DPP10: variants seen among roughly 807,000 people sequenced by gnomAD.
DPP10 encodes dipeptidyl peptidase like 10.
A neutral mutation model predicts 120.9 loss-of-function variants in DPP10; 33 were observed. The observed-to-expected ratio is 0.27, with a 90% CI of 0.21 to 0.37. DPP10 has a LOEUF of 0.37. Among genes scored for constraint, DPP10 ranks in the 10% least tolerant of loss-of-function variants. DPP10 has a pLI of 1.00. For synonymous variants in DPP10, 337 were observed against 326.1 expected, an observed-to-expected ratio of 1.03 and a Z score of -0.36; for missense variants, 816 against 942.8, an observed-to-expected ratio of 0.87 and a Z score of 1.76.
intron 2 of DPP10, among the ~76,000 whole-genome samples, chr2:115,335,297 C>T (rs2063055459): frequency 6.6e-6 from 1 of 151,820 alleles, no homozygotes; most frequent in South Asian, 2.1e-4. Context: ...GGGACATAGC[C>T]AAACCATATT....
intron 1 of DPP10, among the ~76,000 whole-genome samples, chr2:114,802,497 C>T (rs1684338424): frequency 7.8e-6 from 1 of 128,408 alleles, no homozygotes; most frequent in African/African-American, 3.0e-5. Flanking sequence ...TCCCTGCTCT[C>T]TTTATGATCT....
intron 1 of DPP10, among the ~76,000 whole-genome samples, chr2:115,039,842 A>G (rs1440248607): frequency 6.6e-6 from 1 of 152,086 alleles, no homozygotes; most frequent in Non-Finnish European, 1.5e-5. Context: ...TCAGCCTCCC[A>G]AAGTGCTGGG....
intron 1 of DPP10, among the ~76,000 whole-genome samples, chr2:114,750,490 C>T (rs1463387166): frequency 3.9e-5 from 6 of 152,080 alleles, no homozygotes; most frequent in Admixed American, 1.3e-4. Flanking sequence ...CCTGCCACCA[C>T]GCCCAGCTAA....
intron 1 of DPP10, among the ~76,000 whole-genome samples, chr2:115,231,838 T>C (rs1430398323): frequency 6.6e-6 from 1 of 152,178 alleles, no homozygotes; most frequent in African/African-American, 2.4e-5. Flanking sequence ...CCTTATCTCT[T>C]GTCAGGCCAG....
Position 115,435,059 on chromosome 2 carries a change from T to TAC in DPP10, c.272-64450_272-64449insCA, listed in dbSNP as rs1163164407. Among the ~76,000 whole-genome samples the TAC allele has an allele frequency of 2.0e-5, 3 of 147,548 alleles. No individual in the cohort carries two copies. The East Asian group carries it at 5.8e-4, about 29-fold the overall frequency. On this transcript the variant is annotated intron_variant, in intron 3 of 25. Transcript: ENST00000410059. ...TTCTATACACATGCACACATATATATATATATATATATATGTATCACATTT... is the reference window on the plus strand; with the variant it reads ...TTCTATACACATGCACACATATATATACATATATATATATATGTATCACATTT...
chr2:115,246,885 C>T lies in DPP10; in HGVS notation c.61-62354C>T, dbSNP rs112407670. On this transcript the variant is annotated intron_variant, in intron 1 of 25. Transcript: ENST00000410059. ...TGACGTGGCTTCGAAGTCCTTCCTC[C>T]GAACCAGATAGGTTCTGCTCAGTGA... is the stretch of plus-strand genomic sequence containing the variant. 5.1e-4 allele frequency among the ~76,000 whole-genome samples: 77 copies of T among 152,180 alleles called. 1 individual carries two copies. In the South Asian group the frequency reaches 6.8e-3, roughly 14 times the overall value.
rs1210172616 is a variant in DPP10 at position 114,498,901 on chromosome 2, G to C, written c.60+56063G>C. Among the ~76,000 whole-genome samples, 5 of 152,146 alleles carry C rather than the reference G, an allele frequency of 3.3e-5. 1 individual carries two copies. The highest frequency in any genetic ancestry group is 7.3e-5 in the Non-Finnish European group (5 of 68,034). On this transcript the variant is annotated intron_variant, in intron 1 of 25. Transcript: ENST00000410059. ...AGTCAAGACATGGAACCAACCTTAA[G>C]TGTCCATCAATGGATGAATGGATAA... is the stretch of plus-strand genomic sequence containing the variant.
At chr2:115,214,628 C>T (rs1268310076) in intron 1 of DPP10, among the ~76,000 whole-genome samples, 1 of 152,030 alleles carries the variant, frequency 6.6e-6, no homozygotes, top group African/African-American at 2.4e-5. Context: ...GTCTCAAAGC[C>T]GTATGAAATT....
chr2:115,004,863 A>G, intron 1 of DPP10, among the ~76,000 whole-genome samples: 1 of 152,186 alleles, frequency 6.6e-6, no homozygotes, highest in Non-Finnish European at 1.5e-5. Context: ...GGTGGAGCCC[A>G]CCACAGCTCA....
chr2:114,838,590 C>G (rs1424548901), intron 1 of DPP10, among the ~76,000 whole-genome samples: 1 of 152,068 alleles, frequency 6.6e-6, no homozygotes, highest in Non-Finnish European at 1.5e-5. Flanking sequence ...AGCCACTGTG[C>G]CCCGCCCTAA....
intron 5 of DPP10, among the ~76,000 whole-genome samples, chr2:115,664,646 G>T: frequency 6.6e-6 from 1 of 152,116 alleles, no homozygotes; most frequent in East Asian, 1.9e-4. Flanking sequence ...AAAGACAGTT[G>T]GTATTTAGCT....
intron 1 of DPP10, among the ~76,000 whole-genome samples, chr2:114,812,552 C>A (rs1467267973): frequency 6.7e-6 from 1 of 149,140 alleles, no homozygotes; most frequent in African/African-American, 2.5e-5. Flanking sequence ...TGCATCACTG[C>A]ACTCCAGCCT....
At chr2:114,902,064 A>G (rs1326746911) in intron 1 of DPP10, among the ~76,000 whole-genome samples, 1 of 152,212 alleles carries the variant, frequency 6.6e-6, no homozygotes, top group African/African-American at 2.4e-5. Flanking sequence ...TAATCAGAAA[A>G]GTGCCCAGGA....
intron 1 of DPP10, among the ~76,000 whole-genome samples, chr2:114,765,521 T>C (rs1680636112): frequency 6.6e-6 from 1 of 152,154 alleles, no homozygotes; most frequent in Admixed American, 6.5e-5. Context: ...GCTTCAGGCA[T>C]TGTGGCCGAG....
intron 1 of DPP10, among the ~76,000 whole-genome samples, chr2:115,046,993 T>A (rs2105326907): frequency 6.6e-6 from 1 of 152,170 alleles, no homozygotes; most frequent in Admixed American, 6.5e-5. Flanking sequence ...ACCATGAACC[T>A]TACTCTCATT....
chr2:115,472,048 T>TA (rs1558714359), intron 3 of DPP10, among the ~76,000 whole-genome samples: 5 of 152,072 alleles, frequency 3.3e-5, no homozygotes, highest in Non-Finnish European at 5.9e-5. Context: ...ACCATAAAAT[T>TA]AAAAAAATAA....
intron 1 of DPP10, among the ~76,000 whole-genome samples, chr2:114,663,266 A>G (rs1396260396): frequency 1.3e-5 from 2 of 148,564 alleles, no homozygotes; most frequent in Non-Finnish European, 3.0e-5. Flanking sequence ...ATATCTATAT[A>G]TATATACACA....
intron 5 of DPP10, among the ~76,000 whole-genome samples, chr2:115,618,059 A>G (rs1047384433): frequency 3.4e-4 from 52 of 152,258 alleles, no homozygotes; most frequent in African/African-American, 1.2e-3. Flanking sequence ...AACATTTAAA[A>G]CTTGAATTAT....
chr2:114,982,626 G>A (rs1179392916), intron 1 of DPP10, among the ~76,000 whole-genome samples: 2 of 150,638 alleles, frequency 1.3e-5, no homozygotes, highest in Non-Finnish European at 3.0e-5. Context: ...ATTGACACAA[G>A]GTGTCACTCT....
Sources: gnomAD v4.1 joint callset for allele counts (sites outside exome capture counted in the v4.1 genomes callset) on GRCh38, gnomAD v4.1.1 for gene constraint, MANE v1.5 for transcripts, NCBI Gene and HGNC (gene_info 2026-07-23, HGNC 2026-07-21) for gene names.